The following TAFA1 variants were observed in gnomAD, a reference collection of about 807,000 sequenced individuals.
TAFA1 encodes the protein TAFA chemokine like family member 1, also known as chemokine-like protein TAFA-1.
In TAFA1, 4 loss-of-function variants were observed where a neutral mutation model predicts 18.5. The ratio of observed to expected loss-of-function variants is 0.22; its 90% CI spans 0.11 to 0.49. The LOEUF (loss-of-function observed/expected upper bound fraction) is 0.49. Ranked by LOEUF, TAFA1 falls within the 20% of genes least tolerant of loss-of-function variation. TAFA1 has a pLI of 0.98. For synonymous variants in TAFA1, 56 were observed against 55.2 expected, an observed-to-expected ratio of 1.01 and a Z score of -0.06; for missense variants, 147 against 169.0, an observed-to-expected ratio of 0.87 and a Z score of 0.72.
In TAFA1 at chr3:68,539,007, T is replaced by C. The variant is rs142619976; in HGVS notation, c.384+127T>C. 1.5e-4 allele frequency: 142 copies of C among 964,360 alleles called. No homozygotes were observed. In the East Asian group the frequency reaches 1.8e-3, roughly 12 times the overall value. The allele number at this position is 964,360 out of a possible 1,614,324, so 59.7% of individuals were successfully genotyped here. On this transcript the variant is annotated intron_variant, in intron 4 of 4. Coordinates refer to ENST00000478136, the MANE Select transcript of TAFA1 (RefSeq NM_213609.4). ...GATTCTCCACTGACAGAAAGCATTCTGAACTATGCAGATCAGTGTCCATCC... is the reference window on the plus strand; with the variant it reads ...GATTCTCCACTGACAGAAAGCATTCCGAACTATGCAGATCAGTGTCCATCC...
At chr3:68,165,720 G>A (rs2065974931) in intron 2 of TAFA1, among the ~76,000 whole-genome samples, 1 of 152,218 alleles carries the variant, frequency 6.6e-6, no homozygotes, top group African/African-American at 2.4e-5. Context: ...TTCTAAGGCT[G>A]TGGGAATACA....
chr3:68,406,862 GTAACCTCATT>G (rs2106764640), intron 2 of TAFA1, among the ~76,000 whole-genome samples: 1 of 152,172 alleles, frequency 6.6e-6, no homozygotes, highest in East Asian at 1.9e-4. Flanking sequence ...GTGTGTTCTT[GTAACCTCATT>G]GGTGCACCTT....
intron 2 of TAFA1, among the ~76,000 whole-genome samples, chr3:68,405,740 A>G (rs1465856411): frequency 7.8e-6 from 1 of 127,778 alleles, no homozygotes; most frequent in African/African-American, 3.0e-5. Flanking sequence ...AAAAAAAAAA[A>G]GACTAGACAA....
chr3:68,432,484 G>T (rs2071195695), intron 3 of TAFA1, among the ~76,000 whole-genome samples: 1 of 151,916 alleles, frequency 6.6e-6, no homozygotes, highest in Non-Finnish European at 1.5e-5. Context: ...CTTAAGATAA[G>T]AAATCATGCA....
intron 3 of TAFA1, among the ~76,000 whole-genome samples, chr3:68,520,317 T>G (rs2073001208): frequency 6.6e-6 from 1 of 152,108 alleles, no homozygotes; most frequent in Admixed American, 6.5e-5. Flanking sequence ...GGACAGAAAA[T>G]GATTTTAAAA....
At chr3:68,536,685 G>A (rs557751666) in intron 3 of TAFA1, among the ~76,000 whole-genome samples, 1 of 152,284 alleles carries the variant, frequency 6.6e-6, no homozygotes, top group African/African-American at 2.4e-5. Flanking sequence ...TGCATTGAGT[G>A]AATCTAGTCA....
At chr3:68,266,546 A>T (rs1429847973) in intron 2 of TAFA1, among the ~76,000 whole-genome samples, 1 of 152,156 alleles carries the variant, frequency 6.6e-6, no homozygotes, top group East Asian at 1.9e-4. Flanking sequence ...TTTCTGGAAG[A>T]TACAGTATTT....
chr3:68,417,531 G>A, intron 3 of TAFA1, 111 bp downstream of exon 3: 2 of 1,004,534 alleles, frequency 2.0e-6, no homozygotes, highest in Non-Finnish European at 2.9e-6. Flanking sequence ...TGCATCCGAA[G>A]TGTTAGAAAG....
intron 2 of TAFA1, among the ~76,000 whole-genome samples, chr3:68,036,807 A>G (rs1259328372): frequency 6.6e-6 from 1 of 152,224 alleles, no homozygotes; most frequent in African/African-American, 2.4e-5. Flanking sequence ...GTGGATCTCC[A>G]AAGAGATACT....
intron 2 of TAFA1, among the ~76,000 whole-genome samples, chr3:68,021,330 G>A (rs971114845): frequency 6.6e-6 from 1 of 152,000 alleles, no homozygotes; most frequent in African/African-American, 2.4e-5. Context: ...TAGCACTGGT[G>A]TTTTGTGACC....
chr3:68,384,986 A>G (rs1362332382), intron 2 of TAFA1, among the ~76,000 whole-genome samples: 1 of 151,962 alleles, frequency 6.6e-6, no homozygotes, highest in Non-Finnish European at 1.5e-5. Context: ...GATTGAAATC[A>G]TTACTTTTTT....
intron 2 of TAFA1, among the ~76,000 whole-genome samples, chr3:68,103,023 A>AGAGAAGAATGCTG (rs1417546803): frequency 6.6e-6 from 1 of 152,204 alleles, no homozygotes; most frequent in Admixed American, 6.5e-5. Flanking sequence ...TCTTAAGGTC[A>AGAGAAGAATGCTG]GAGAAGAATG....
chr3:68,193,237 C>T (rs918636657), intron 2 of TAFA1, among the ~76,000 whole-genome samples: 1 of 151,656 alleles, frequency 6.6e-6, no homozygotes, highest in African/African-American at 2.4e-5. Context: ...GGAATGGAAT[C>T]TAGTAGGAGA....
chr3:68,317,963 T>C (rs570077784), intron 2 of TAFA1, among the ~76,000 whole-genome samples: 4 of 152,298 alleles, frequency 2.6e-5, no homozygotes, highest in Admixed American at 1.3e-4. Context: ...CGCTTTGCAA[T>C]GTGTTTGGTA....
At chr3:68,420,117 C>T (rs1409341852) in intron 3 of TAFA1, among the ~76,000 whole-genome samples, 1 of 152,144 alleles carries the variant, frequency 6.6e-6, no homozygotes, top group African/African-American at 2.4e-5. Context: ...GTTTCTGTGT[C>T]TTAATACATT....
chr3:68,523,913 C>A (rs990969350), intron 3 of TAFA1, among the ~76,000 whole-genome samples: 6 of 152,128 alleles, frequency 3.9e-5, no homozygotes, highest in Admixed American at 3.3e-4. Flanking sequence ...CTATTTCGTG[C>A]TATACCAGTA....
chr3:68,463,257 A>T (rs904018407), intron 3 of TAFA1, among the ~76,000 whole-genome samples: 2 of 152,180 alleles, frequency 1.3e-5, no homozygotes, highest in African/African-American at 4.8e-5. Context: ...GTCTCCTCTT[A>T]ATCTCTATGG....
chr3:68,373,957 G>A (rs2069761467), intron 2 of TAFA1, among the ~76,000 whole-genome samples: 1 of 152,158 alleles, frequency 6.6e-6, no homozygotes, highest in Admixed American at 6.5e-5. Flanking sequence ...GACAGGAATA[G>A]AAACTCACTT....
intron 2 of TAFA1, among the ~76,000 whole-genome samples, chr3:68,232,581 G>T (rs980618505): frequency 9.2e-5 from 14 of 151,996 alleles, no homozygotes; most frequent in African/African-American, 3.4e-4. Context: ...TAGCAGGATT[G>T]CTGGATCATA....
Sources: gnomAD v4.1 joint callset for allele counts (sites outside exome capture counted in the v4.1 genomes callset) on GRCh38, gnomAD v4.1.1 for gene constraint, MANE v1.5 for transcripts, NCBI Gene and HGNC (gene_info 2026-07-23, HGNC 2026-07-21) for gene names.